Variants in DNA2 observed in about 807,000 individuals in gnomAD.
The protein encoded by DNA2 is DNA replication helicase/nuclease 2, also known as DNA replication ATP-dependent helicase/nuclease DNA2.
A neutral mutation model predicts 119.1 loss-of-function variants in DNA2; 101 were observed. The ratio of observed to expected loss-of-function variants is 0.85; its 90% CI spans 0.72 to 1.00. The LOEUF is 1.00. Among genes scored for constraint, DNA2 ranks in the 50% least tolerant of loss-of-function variants. The pLI, the probability that DNA2 is intolerant of heterozygous loss-of-function variation, is 0.00. For synonymous variants in DNA2, 366 were observed against 424.4 expected (o/e 0.86, Z 1.69); for missense variants, 1,121 against 1,255.5 (o/e 0.89, Z 1.62).
intron 4 of DNA2, among the ~76,000 whole-genome samples, chr10:68,460,232 G>C (rs1232160120): frequency 1.3e-5 from 2 of 151,814 alleles, no homozygotes; most frequent in East Asian, 3.9e-4. Context: ...TCAGCCTTCA[G>C]AGTAGCTGGA....
chr10:68,415,163 G>A, intron 20 of DNA2, 56 bp from the exon 21 acceptor site: 2 of 1,086,906 alleles, frequency 1.8e-6, no homozygotes, highest in Non-Finnish European at 1.3e-6. Flanking sequence ...ATAAATTTAT[G>A]ACATTATTAT....
At chr10:68,441,740 A>T (rs1419299550) in intron 9 of DNA2, among the ~76,000 whole-genome samples, 2 of 152,106 alleles carry the variant, frequency 1.3e-5, no homozygotes, top group Non-Finnish European at 2.9e-5. Flanking sequence ...ATGCCACTGC[A>T]CTCCAGCCTG....
chr10:68,472,155 TCTTGACA>T, upstream of DNA2: 1 of 1,353,038 alleles, frequency 7.4e-7, no homozygotes, highest in Non-Finnish European at 9.7e-7. Flanking sequence ...CTGCCTTCTC[TCTTGACA>T]CTCCAACCCG....
Position 68,433,505 on chromosome 10 carries a change from A to G in DNA2, c.1647-995T>C, listed in dbSNP as rs113893534. 2.5e-4 allele frequency among the ~76,000 whole-genome samples: 38 copies of G among 152,228 alleles called. 1 individual carries two copies. In the South Asian group the frequency reaches 7.7e-3, roughly 31 times the overall value. On this transcript the variant is annotated intron_variant, in intron 10 of 20. Transcript: ENST00000358410. ...GTTTAAAACCTTTCAATACAATTCT[A>G]TTTATTCAATAGAATAAATAAAATC...
chr10:68,420,592 C>T (rs1386236663), intron 17 of DNA2, among the ~76,000 whole-genome samples: 1 of 151,920 alleles, frequency 6.6e-6, no homozygotes. Flanking sequence ...TTTCCATTTT[C>T]TTGTCCCCTT....
intron 9 of DNA2, among the ~76,000 whole-genome samples, chr10:68,440,323 G>A (rs181560600): frequency 3.5e-4 from 53 of 151,810 alleles, no homozygotes; most frequent in African/African-American, 1.1e-3. Flanking sequence ...TTTTTGAGAC[G>A]GAGTCTCTCT....
chr10:68,442,301 C>T (rs1320847945), intron 9 of DNA2, among the ~76,000 whole-genome samples: 1 of 152,024 alleles, frequency 6.6e-6, no homozygotes, highest in Non-Finnish European at 1.5e-5. Flanking sequence ...TTACTGTAAC[C>T]TCCACCTCCC....
In DNA2 at chr10:68,451,930, GA is replaced by G. The variant is rs1036273045; in HGVS notation, c.720-1684del. On this transcript the variant is annotated intron_variant, in intron 5 of 20. Coordinates refer to ENST00000358410, the MANE Select transcript of DNA2 (RefSeq NM_001080449.3). ...TTTAACAAATGAGAATATTTTCTAAGAAAAAAAAATGCTGTCTTAAATAATT... is the reference window on the plus strand; with the variant it reads ...TTTAACAAATGAGAATATTTTCTAAGAAAAAAAATGCTGTCTTAAATAATT... Among the ~76,000 whole-genome samples the G allele has an allele frequency of 3.5e-5, 5 of 142,738 alleles. No individual in the cohort carries two copies. The East Asian group carries it at 8.1e-4, about 23-fold the overall frequency. The allele number at this position is 142,738 out of a possible 152,430, so 93.6% of individuals were successfully genotyped here. A position where few individuals can be genotyped will look rare whatever the true frequency, so the allele number is the denominator to read the frequency against.
chr10:68,450,870 A>C (rs2052108316), intron 5 of DNA2, among the ~76,000 whole-genome samples: 1 of 152,148 alleles, frequency 6.6e-6, no homozygotes, highest in Non-Finnish European at 1.5e-5. Flanking sequence ...ATGCTAAGGC[A>C]AGCAGATCAC....
intron 9 of DNA2, among the ~76,000 whole-genome samples, chr10:68,440,630 T>G (rs61855128): frequency 6.6e-6 from 1 of 152,032 alleles, no homozygotes; most frequent in Non-Finnish European, 1.5e-5. Context: ...AAAAAAAGTT[T>G]CACATACTAC....
At chr10:68,446,039 G>A (rs1191657964) in intron 7 of DNA2, among the ~76,000 whole-genome samples, 2 of 152,144 alleles carry the variant, frequency 1.3e-5, no homozygotes, top group East Asian at 1.9e-4. Context: ...CAGGAGAATC[G>A]ATTCAACCCA....
In DNA2 at chr10:68,437,240, C is replaced by A; in HGVS notation, c.1417G>T (p.Glu473Ter). 6.3e-7 allele frequency: 1 copy of A among 1,594,886 alleles called. No homozygotes were observed. Among genetic ancestry groups the A allele is most frequent in the South Asian group, 1.1e-5 (1 of 89,080 alleles). ...NIWLMPASEM[E>*]KSGSCIGNLI... ...TTTCCAATGCAACTGCCACTCTTCT[C>A]CCTATGAAAAGACCAAAGAGAAAAA... Residue 473 changes from glutamate to a stop codon, truncating the protein, a stop_gained and splice_region_variant, in exon 10 of 21, where the codon GAG (glutamate) becomes TAG (stop). Coordinates refer to ENST00000358410, the MANE Select transcript of DNA2 (RefSeq NM_001080449.3). LOFTEE classifies it high-confidence loss of function.
In DNA2 at chr10:68,445,088, G is replaced by A; in HGVS notation, c.1058-5C>T. On this transcript the variant is annotated splice_polypyrimidine_tract_variant and splice_region_variant and intron_variant, in intron 7 of 20. Coordinates refer to ENST00000358410, the MANE Select transcript of DNA2 (RefSeq NM_001080449.3). Reference sequence around the variant, plus strand: ...GGTTTCTTAGCTTTAATAATTCTATGAAAAAAAAGGTGAATGTCTTTTTAA... The same window carrying A: ...GGTTTCTTAGCTTTAATAATTCTATAAAAAAAAAGGTGAATGTCTTTTTAA... The A allele has an allele frequency of 6.4e-7, 1 of 1,570,540 alleles. No individual in the cohort carries two copies. Among genetic ancestry groups the A allele is most frequent in the Non-Finnish European group, 8.6e-7 (1 of 1,159,352 alleles).
In DNA2 at chr10:68,468,271, T is replaced by C; in HGVS notation, c.293A>G (p.His98Arg). 2 of 1,608,680 alleles carry C rather than the reference T, an allele frequency of 1.2e-6. No individual in the cohort carries two copies. The highest frequency in any genetic ancestry group is 2.2e-5 in the East Asian group (1 of 44,732). ...SVPVEPGDII[H>R]LEGDCTSDTW... ...GTCAGATGTGCAGTCTCCCTCCAAA[T>C]GAATGATATCTCCTGGCTCTACTGG... is the stretch of plus-strand genomic sequence containing the variant. Residue 98 changes from histidine to arginine, a missense_variant, in exon 3 of 21, where the codon CAT (histidine) becomes CGT (arginine). His to Arg is a conservative substitution (Grantham distance 29). Coordinates refer to ENST00000358410, the MANE Select transcript of DNA2 (RefSeq NM_001080449.3).
intron 20 of DNA2, 131 bp downstream of exon 20, chr10:68,416,578 C>G: frequency 4.5e-6 from 4 of 882,198 alleles, no homozygotes; most frequent in Non-Finnish European, 7.1e-6. Context: ...GAGGCCTACA[C>G]AGGAGGATCG....
At chr10:68,469,227 CAT>C (rs5785863) in intron 2 of DNA2, among the ~76,000 whole-genome samples, 7,335 of 151,262 alleles carry the variant, frequency 0.048, 405 homozygotes, top group South Asian at 0.18. Flanking sequence ...TTAAAACTAA[CAT>C]GTGTTTAAAC....
chr10:68,422,909 G>C lies in DNA2; in HGVS notation c.2209-19C>G. The C allele has an allele frequency of 6.6e-7, 1 of 1,504,092 alleles. No individual in the cohort carries two copies. The highest frequency in any genetic ancestry group is 1.3e-5 in the South Asian group (1 of 77,172). 93.2% of individuals were successfully genotyped at this position (1,504,092 alleles called of 1,614,324 possible). A position where few individuals can be genotyped will look rare whatever the true frequency, so the allele number is the denominator to read the frequency against. On this transcript the variant is annotated intron_variant, in intron 14 of 20. Transcript: ENST00000358410. ...CTATAAGCTAAAAACAAGGAAAACA[G>C]ATCAGTTATTTAACATGTAAAAGAA...
At chr10:68,425,969 T>C (rs555319079) in intron 14 of DNA2, among the ~76,000 whole-genome samples, 2 of 151,270 alleles carry the variant, frequency 1.3e-5, no homozygotes, top group African/African-American at 4.8e-5. Context: ...ACCCTGTCTC[T>C]AATAAAAATA....
In DNA2 at chr10:68,427,398, A is replaced by T. The variant is rs912228389; in HGVS notation, c.2208+3038T>A. Among the ~76,000 whole-genome samples the T allele has an allele frequency of 5.3e-5, 8 of 151,656 alleles. No homozygotes were observed. The East Asian group carries it at 1.6e-3, about 29-fold the overall frequency. On this transcript the variant is annotated intron_variant, in intron 14 of 20. Coordinates refer to ENST00000358410, the MANE Select transcript of DNA2 (RefSeq NM_001080449.3). ...ATTATGGCTGGATGCAGTGGCTCAC[A>T]TCTGTAATCCCAACACTTTGGGAGG...
Sources: gnomAD v4.1 joint callset for allele counts (sites outside exome capture counted in the v4.1 genomes callset) on GRCh38, gnomAD v4.1.1 for gene constraint, MANE v1.5 for transcripts, NCBI Gene and HGNC (gene_info 2026-07-23, HGNC 2026-07-21) for gene names.